The following RADIL variants were observed in gnomAD, a reference collection of about 807,000 sequenced individuals.
RADIL encodes the protein Rap associating with DIL domain.
A neutral mutation model predicts 97.6 loss-of-function variants in RADIL; 99 were observed. That is an observed-to-expected ratio of 1.01 (90% CI 0.86 to 1.20). The LOEUF is 1.20. RADIL is among the 50% of genes most tolerant of loss of function. RADIL has a pLI of 0.00. For synonymous variants in RADIL, 803 were observed against 691.8 expected, an observed-to-expected ratio of 1.16 and a Z score of -2.52; for missense variants, 1,765 against 1,498.9, an observed-to-expected ratio of 1.18 and a Z score of -2.93.
At position 4,801,860 on chromosome 7, in the gene RADIL, C is replaced by G. The variant is rs926162513; in HGVS notation, c.2635G>C (p.Ala879Pro). The G allele has an allele frequency of 3.1e-6, 5 of 1,593,758 alleles. No individual in the cohort carries two copies. Among genetic ancestry groups the G allele is most frequent in the East Asian group, 2.3e-5 (1 of 44,068 alleles). The change falls in exon 12 of 15, where the codon GCC becomes CCC. Residue 879 changes from alanine (A) to proline (P), a missense_variant. Ala to Pro is a conservative substitution (Grantham distance 27). Transcript: ENST00000399583. The part of the protein sequence containing the change: ...LPLRGAPWAQ[A>P]PPGRQPSRGG... ...CGGCTGGGTTGCCTTCCAGGGGGGG[C>G]CTGTGCCCAGGGAGCCCCCCTCAAG...
In RADIL at chr7:4,878,547, A is replaced by G. The variant is rs1784419726; in HGVS notation, c.-64-344T>C. On this transcript the variant is annotated intron_variant, in intron 1 of 14. Coordinates refer to ENST00000399583, the MANE Select transcript of RADIL (RefSeq NM_018059.5). This position sits in a 1 kb window ranked among gnomAD's most constrained non-coding sequence, Gnocchi z 4.1. ...AGAGCAAGACCCCATCTCAAAATCTAATGGACATAACAGGCCGTGGGCATC... is the reference window on the plus strand; with the variant it reads ...AGAGCAAGACCCCATCTCAAAATCTGATGGACATAACAGGCCGTGGGCATC... Among the ~76,000 whole-genome samples, 1 of 152,126 alleles carries G rather than the reference A, an allele frequency of 6.6e-6. No individual in the cohort carries two copies. Among genetic ancestry groups the G allele is most frequent in the African/African-American group, 2.4e-5 (1 of 41,430 alleles).
intron 2 of RADIL, among the ~76,000 whole-genome samples, chr7:4,862,890 T>A (rs1175423601): frequency 2.1e-5 from 3 of 142,158 alleles, no homozygotes. Context: ...AGAGTGAAAC[T>A]CTGTCTCAAA....
At chr7:4,820,941 G>A (rs114400430) in intron 6 of RADIL, among the ~76,000 whole-genome samples, 2,275 of 152,314 alleles carry the variant, frequency 0.015, 46 homozygotes, top group African/African-American at 0.051. Flanking sequence ...GGGCACAGCA[G>A]GGTCCCAGCG....
At chr7:4,861,128 A>T in intron 2 of RADIL, 1 of 1,614,226 alleles carries the variant, frequency 6.2e-7, no homozygotes, top group Non-Finnish European at 8.5e-7. Context: ...CCACAGTTTG[A>T]TGGCTCTCAG....
At chr7:4,857,852 C>G (rs1350851454) in intron 2 of RADIL, 1 of 152,564 alleles carries the variant, frequency 6.6e-6, no homozygotes, top group African/African-American at 2.4e-5. Context: ...AAACTCCACT[C>G]ACTAGGTACA....
chr7:4,847,023 A>G (rs774406988), intron 2 of RADIL, among the ~76,000 whole-genome samples: 2 of 151,852 alleles, frequency 1.3e-5, no homozygotes, highest in Non-Finnish European at 2.9e-5. Flanking sequence ...CATGGTTATA[A>G]TAAAAAAGGT....
At chr7:4,876,354 G>C (rs562928368) in intron 2 of RADIL, among the ~76,000 whole-genome samples, 1 of 152,128 alleles carries the variant, frequency 6.6e-6, no homozygotes, top group African/African-American at 2.4e-5. Flanking sequence ...AGGCTGGAGA[G>C]CAATGGCATG....
intron 2 of RADIL, among the ~76,000 whole-genome samples, chr7:4,848,385 C>T (rs1783628312): frequency 6.6e-6 from 1 of 151,722 alleles, no homozygotes; most frequent in South Asian, 2.1e-4. Context: ...AAAGACATTT[C>T]TTTACGTCAT....
At position 4,819,800 on chromosome 7, in the gene RADIL, G is replaced by A. The variant is rs1262390339; in HGVS notation, c.1616-2449C>T. 6.6e-6 allele frequency among the ~76,000 whole-genome samples: 1 copy of A among 152,212 alleles called. No homozygotes were observed. The highest frequency in any genetic ancestry group is 2.4e-5 in the African/African-American group (1 of 41,456). On this transcript the variant is annotated intron_variant, in intron 6 of 14. Transcript: ENST00000399583. The surrounding 1 kb of genome is among the most constrained non-coding windows in gnomAD (Gnocchi z 5.8). Reference sequence around the variant, plus strand: ...TTTCCCACTCTGTTCCCTGGTGCCTGCCTGGCCCTCGACACCCGGAGCCTG... The same window carrying A: ...TTTCCCACTCTGTTCCCTGGTGCCTACCTGGCCCTCGACACCCGGAGCCTG...
Position 4,878,502 on chromosome 7 carries a change from G to C in RADIL, c.-64-299C>G, listed in dbSNP as rs949179737. ...TTGCAGTGAGCTATGATAGTGCCACGGCCCTCCAGCCCGGGCAGCAGAGCA... is the reference window on the plus strand; with the variant it reads ...TTGCAGTGAGCTATGATAGTGCCACCGCCCTCCAGCCCGGGCAGCAGAGCA... On this transcript the variant is annotated intron_variant, in intron 1 of 14. Coordinates refer to ENST00000399583, the MANE Select transcript of RADIL (RefSeq NM_018059.5). The surrounding 1 kb of genome is among the most constrained non-coding windows in gnomAD (Gnocchi z 4.1). Among the ~76,000 whole-genome samples, 2 of 152,116 alleles carry C rather than the reference G, an allele frequency of 1.3e-5. No individual in the cohort carries two copies. Among genetic ancestry groups the C allele is most frequent in the Non-Finnish European group, 2.9e-5 (2 of 68,024 alleles).
chr7:4,802,079 AG>A, intron 11 of RADIL, 84 bp from the exon 12 acceptor site: 1 of 1,195,842 alleles, frequency 8.4e-7, no homozygotes, highest in South Asian at 1.7e-5. Context: ...CTGCAGCAGA[AG>A]GGCCGCCAGG....
chr7:4,831,822 A>G (rs1444337957), intron 5 of RADIL, among the ~76,000 whole-genome samples: 1 of 152,162 alleles, frequency 6.6e-6, no homozygotes, highest in Admixed American at 6.5e-5. Context: ...TGGGAGGTGT[A>G]GGTTGCTGTG....
In RADIL at chr7:4,836,364, C is replaced by T. The variant is rs372846157; in HGVS notation, c.777G>A (p.Gln259=). 3 of 1,572,038 alleles carry T rather than the reference C, an allele frequency of 1.9e-6. No individual in the cohort carries two copies. Among genetic ancestry groups the T allele is most frequent in the Non-Finnish European group, 1.7e-6 (2 of 1,158,492 alleles). ...PHLLLLQGYS[Q]QHDSLVYVLN... is the part of the protein sequence containing the mutation. ...GTCAGGAGGGGAGGCTCACGTGCTG[C>T]TGGCTGTAGCCCTGCAGAAGGAGCA... Residue 259 remains glutamine, a synonymous_variant, in exon 3 of 15, where the codon CAG becomes CAA. Coordinates refer to ENST00000399583, the MANE Select transcript of RADIL (RefSeq NM_018059.5).
chr7:4,831,020 CAAAAAAA>C, intron 5 of RADIL, among the ~76,000 whole-genome samples: 1 of 123,740 alleles, frequency 8.1e-6, no homozygotes, highest in South Asian at 2.6e-4. Context: ...GATGCCGTTT[CAAAAAAA>C]AAAAAAATAC....
rs536083246 is a variant in RADIL at position 4,822,188 on chromosome 7, G to C, written c.1615+206C>G. Among the ~76,000 whole-genome samples the C allele has an allele frequency of 6.6e-6, 1 of 152,282 alleles. No individual in the cohort carries two copies. Among genetic ancestry groups the C allele is most frequent in the Admixed American group, 6.5e-5 (1 of 15,304 alleles). On this transcript the variant is annotated intron_variant, in intron 6 of 14. Transcript: ENST00000399583. This position sits in a 1 kb window ranked among gnomAD's most constrained non-coding sequence, Gnocchi z 5.3. ...TGAGTGCCAAGGTGCTGTGGGGGGA[G>C]GTGCCAGACTGGCCCGTGCCACCAG...
rs1782757185 is a variant in RADIL at position 4,819,072 on chromosome 7, C to CA, written c.1616-1722_1616-1721insT. Among the ~76,000 whole-genome samples, 1 of 133,344 alleles carries CA rather than the reference C, an allele frequency of 7.5e-6. No homozygotes were observed. Among genetic ancestry groups the CA allele is most frequent in the Admixed American group, 7.5e-5 (1 of 13,344 alleles). 87.5% of individuals were successfully genotyped at this position (133,344 alleles called of 152,430 possible). A position where few individuals can be genotyped will look rare whatever the true frequency, so the allele number is the denominator to read the frequency against. On this transcript the variant is annotated intron_variant, in intron 6 of 14. Coordinates refer to ENST00000399583, the MANE Select transcript of RADIL (RefSeq NM_018059.5). This position sits in a 1 kb window ranked among gnomAD's most constrained non-coding sequence, Gnocchi z 5.8. ...ACTCCATTTCTCTCTCTCTCTCTCTCTTTTTTTTTTTTTTTTAAAGACAGA... is the reference window on the plus strand; with the variant it reads ...ACTCCATTTCTCTCTCTCTCTCTCTCATTTTTTTTTTTTTTTTAAAGACAGA...
At chr7:4,825,705 G>A (rs968850294) in intron 5 of RADIL, among the ~76,000 whole-genome samples, 7 of 151,736 alleles carry the variant, frequency 4.6e-5, no homozygotes, top group South Asian at 2.1e-4. Flanking sequence ...GTGAAACCCC[G>A]TCTCTATTAA....
rs1029787610 is a variant in RADIL, at chr7:4,797,748, A to G, written c.*1630T>C. The G allele has an allele frequency of 3.7e-4, 56 of 152,204 alleles. No individual in the cohort carries two copies. Among genetic ancestry groups the G allele is most frequent in the African/African-American group, 1.3e-3 (52 of 41,442 alleles). 9.4% of individuals were successfully genotyped at this position (152,204 alleles called of 1,614,324 possible). On this transcript the variant is annotated 3_prime_UTR_variant, in exon 15 of 15. Coordinates refer to ENST00000399583, the MANE Select transcript of RADIL (RefSeq NM_018059.5). The stretch of plus-strand genomic sequence containing the variant: ...TGTAATCCCAGCACTTTGGGAGGGC[A>G]AGGCGGGCAGATCACTTGATGTCAG...
chr7:4,838,795 G>C (rs1190071256), intron 2 of RADIL, among the ~76,000 whole-genome samples: 2 of 152,364 alleles, frequency 1.3e-5, no homozygotes, highest in South Asian at 4.1e-4. Context: ...CTGAGTGCAG[G>C]TGTGGGGGAG....
Sources: allele counts gnomAD v4.1 joint callset (sites outside exome capture counted in the v4.1 genomes callset), GRCh38; gene constraint gnomAD v4.1.1; non-coding constraint Gnocchi (gnomAD v3.1); transcripts MANE v1.5; gene names NCBI Gene and HGNC (gene_info 2026-07-23, HGNC 2026-07-21).